LRRC7: variants seen among roughly 807,000 people sequenced by gnomAD.
The protein encoded by LRRC7 is leucine-rich repeat-containing protein 7.
Under a neutral mutation model 175.7 loss-of-function variants are expected in LRRC7, and 23 were observed. The observed-to-expected ratio is 0.13, with a 90% CI of 0.09 to 0.19. The LOEUF (loss-of-function observed/expected upper bound fraction) is 0.19, where lower values mean the gene tolerates loss of function less well. Among genes scored for constraint, LRRC7 ranks in the 10% least tolerant of loss-of-function variants. The pLI is 1.00. For synonymous variants in LRRC7, 685 were observed against 680.9 expected, an observed-to-expected ratio of 1.01 and a Z score of -0.09; for missense variants, 1,354 against 1,904.7, an observed-to-expected ratio of 0.71 and a Z score of 5.38.
rs1666645553 is a variant in LRRC7 at position 70,131,089 on chromosome 1, T to C, written c.*9202T>C. 6.6e-6 allele frequency among the ~76,000 whole-genome samples: 1 copy of C among 152,326 alleles called. No individual in the cohort carries two copies. Among genetic ancestry groups the C allele is most frequent in the South Asian group, 2.1e-4 (1 of 4,828 alleles). ...GCCACTGTAAAAGCTATATAATTGA[T>C]ATGATTAACTATTTAGATAGAGCAC... On this transcript the variant is annotated 3_prime_UTR_variant, in exon 27 of 27. Transcript: ENST00000651989.
intron 7 of LRRC7, among the ~76,000 whole-genome samples, chr1:69,861,285 C>G (rs1272833305): frequency 2.0e-5 from 3 of 151,974 alleles, no homozygotes; most frequent in Non-Finnish European, 4.4e-5. Context: ...TCATATTTTT[C>G]TAGATAATGT....
At chr1:69,594,061 A>AT (rs1646745123) in intron 1 of LRRC7, among the ~76,000 whole-genome samples, 1 of 152,174 alleles carries the variant, frequency 6.6e-6, no homozygotes, top group Admixed American at 6.5e-5. Flanking sequence ...AGATGGATGG[A>AT]TAAAATAAAG....
chr1:69,851,804 T>C (rs1218822277), intron 7 of LRRC7, among the ~76,000 whole-genome samples: 2 of 152,210 alleles, frequency 1.3e-5, no homozygotes, highest in East Asian at 3.9e-4. Context: ...GAAAATCCAG[T>C]CAGAAAAGTT....
chr1:69,732,701 T>G (rs988732685), intron 2 of LRRC7, among the ~76,000 whole-genome samples: 4 of 152,104 alleles, frequency 2.6e-5, no homozygotes, highest in African/African-American at 9.7e-5. Context: ...GGATTCTAAA[T>G]TTTGAGAAAA....
intron 3 of LRRC7, among the ~76,000 whole-genome samples, chr1:69,763,468 G>A (rs1405981791): frequency 6.6e-6 from 1 of 152,056 alleles, no homozygotes; most frequent in East Asian, 1.9e-4. Flanking sequence ...TACTGCTGAT[G>A]TAATTCCTTT....
At chr1:69,639,432 C>G (rs1315064951) in intron 1 of LRRC7, among the ~76,000 whole-genome samples, 2 of 151,770 alleles carry the variant, frequency 1.3e-5, no homozygotes, top group Non-Finnish European at 3.0e-5. Context: ...AGTGAAACAT[C>G]AGCCTCACAA....
At chr1:69,667,225 T>C (rs1246594997) in intron 1 of LRRC7, among the ~76,000 whole-genome samples, 1 of 151,464 alleles carries the variant, frequency 6.6e-6, no homozygotes, top group East Asian at 1.9e-4. Context: ...TGATTTAACA[T>C]ATGGTCTATC....
chr1:70,011,143 C>T (rs896409817), intron 11 of LRRC7, among the ~76,000 whole-genome samples: 1 of 152,114 alleles, frequency 6.6e-6, no homozygotes, highest in Non-Finnish European at 1.5e-5. Context: ...CTGAAATGAG[C>T]CCTGTCCATA....
intron 23 of LRRC7, among the ~76,000 whole-genome samples, chr1:70,062,114 T>G (rs1372260634): frequency 6.6e-6 from 1 of 152,140 alleles, no homozygotes; most frequent in Non-Finnish European, 1.5e-5. Flanking sequence ...GATGCTTATA[T>G]TTAGTGATAT....
At chr1:69,837,658 AC>A (rs1252076440) in intron 6 of LRRC7, among the ~76,000 whole-genome samples, 3 of 151,814 alleles carry the variant, frequency 2.0e-5, no homozygotes, top group Non-Finnish European at 4.4e-5. Flanking sequence ...TATTTAGTAT[AC>A]ATTCAATTAT....
rs568567231 is a variant in LRRC7, at chr1:69,806,458, G to A, written c.421+14298G>A. On this transcript the variant is annotated intron_variant, in intron 4 of 26. Transcript: ENST00000651989. Reference sequence around the variant, plus strand: ...ATGTGTTTGTAAGGCAGAATCAGTCGTATGACTCTCTCTATTGATTACCAG... The same window carrying A: ...ATGTGTTTGTAAGGCAGAATCAGTCATATGACTCTCTCTATTGATTACCAG... Among the ~76,000 whole-genome samples, 12 of 151,962 alleles carry A rather than the reference G, an allele frequency of 7.9e-5. 1 individual carries two copies. Among genetic ancestry groups the A allele is most frequent in the South Asian group, 4.2e-4 (2 of 4,812 alleles).
In LRRC7 at chr1:69,834,643, C is replaced by A. The variant is rs878925518; in HGVS notation, c.501-137C>A. On this transcript the variant is annotated intron_variant, in intron 5 of 26. Transcript: ENST00000651989. ...ACTGTAACAACATGCTCAATAAATT[C>A]TTTCATTACTGTAATACCAAAGGAG... 2.6e-5 allele frequency: 19 copies of A among 733,906 alleles called. No homozygotes were observed. In the East Asian group the frequency reaches 4.4e-4, roughly 17 times the overall value. 45.5% of individuals were successfully genotyped at this position (733,906 alleles called of 1,614,324 possible). A position where few individuals can be genotyped will look rare whatever the true frequency, so the allele number is the denominator to read the frequency against.
At chr1:69,873,391 T>C in intron 7 of LRRC7, 2 of 532,788 alleles carry the variant, frequency 3.8e-6, no homozygotes, top group Non-Finnish European at 7.7e-6. Context: ...TGTAAACCAA[T>C]TGGTAATTAT....
At chr1:69,664,342 T>A (rs568339295) in intron 1 of LRRC7, among the ~76,000 whole-genome samples, 11 of 152,334 alleles carry the variant, frequency 7.2e-5, no homozygotes, top group Non-Finnish European at 2.9e-5. Flanking sequence ...TGCTGGATAA[T>A]AAAGTAGCTG....
At chr1:69,775,564 T>C (rs1440035080) in intron 3 of LRRC7, among the ~76,000 whole-genome samples, 1 of 152,218 alleles carries the variant, frequency 6.6e-6, no homozygotes, top group Admixed American at 6.5e-5. Context: ...ATAGAGATTA[T>C]GAAGCTGACC....
intron 24 of LRRC7, among the ~76,000 whole-genome samples, chr1:70,084,297 T>A (rs1255088928): frequency 1.3e-5 from 2 of 152,210 alleles, no homozygotes; most frequent in Admixed American, 1.3e-4. Context: ...AAAAAAACTT[T>A]GCATCCTTGA....
intron 7 of LRRC7, among the ~76,000 whole-genome samples, chr1:69,840,502 T>TTTC (rs1681605110): frequency 6.6e-6 from 1 of 152,070 alleles, no homozygotes; most frequent in Non-Finnish European, 1.5e-5. Flanking sequence ...TTTCTCTTCT[T>TTTC]TTCATCTTTT....
At chr1:69,833,266 C>T (rs1680734739) in intron 5 of LRRC7, among the ~76,000 whole-genome samples, 2 of 152,016 alleles carry the variant, frequency 1.3e-5, no homozygotes, top group Non-Finnish European at 2.9e-5. Flanking sequence ...GGGAAATGTA[C>T]ACAGTGTGAT....
chr1:69,835,114 T>A (rs909750556), intron 6 of LRRC7, among the ~76,000 whole-genome samples: 1 of 151,496 alleles, frequency 6.6e-6, no homozygotes, highest in South Asian at 2.1e-4. Flanking sequence ...TAAAAAAAAA[T>A]AAAGCCAGAA....
Sources: gnomAD v4.1 joint callset for allele counts (sites outside exome capture counted in the v4.1 genomes callset) on GRCh38, gnomAD v4.1.1 for gene constraint, MANE v1.5 for transcripts, NCBI Gene and HGNC (gene_info 2026-07-23, HGNC 2026-07-21) for gene names.